The following PTPRD variants were observed in gnomAD, a reference collection of about 807,000 sequenced individuals.
PTPRD encodes receptor-type tyrosine-protein phosphatase delta.
PTPRD carries 34 observed loss-of-function variants against 214.5 expected under a neutral mutation model. The observed-to-expected ratio is 0.16, with a 90% CI of 0.12 to 0.21. The LOEUF (loss-of-function observed/expected upper bound fraction) is 0.21. Ranked by LOEUF, PTPRD falls within the 10% of genes least tolerant of loss-of-function variation. The pLI is 1.00. For synonymous variants in PTPRD, 1,128 were observed against 845.7 expected (o/e 1.33, Z -5.79); for missense variants, 2,545 against 2,398.7 (o/e 1.06, Z -1.27).
intron 27 of PTPRD, among the ~76,000 whole-genome samples, chr9:8,488,981 T>A (rs1210892141): frequency 2.6e-5 from 4 of 152,232 alleles, no homozygotes; most frequent in African/African-American, 9.6e-5. Context: ...CATAATAATA[T>A]ATACACCGTG....
chr9:8,436,328 AAAAAT>A (rs1380964303), intron 35 of PTPRD, among the ~76,000 whole-genome samples: 4 of 132,404 alleles, frequency 3.0e-5, no homozygotes, highest in Non-Finnish European at 5.1e-5. Flanking sequence ...ATTGCCAATT[AAAAAT>A]AAAATAAAAA....
chr9:10,411,141 G>A (rs542483930), intron 2 of PTPRD, among the ~76,000 whole-genome samples: 4 of 151,810 alleles, frequency 2.6e-5, no homozygotes, highest in Middle Eastern at 3.4e-3. Flanking sequence ...AGACTGCCAT[G>A]ACAAAGAATT....
rs4008208 is a variant in PTPRD at position 8,338,847 on chromosome 9, C to CAG, written c.5379+73_5379+74dup. The CAG allele has an allele frequency of 0.011, 11,567 of 1,076,792 alleles. 466 individuals carry two copies. In the African/African-American group the frequency reaches 0.14, roughly 13 times the overall value. The allele number at this position is 1,076,792 out of a possible 1,614,324, so 66.7% of individuals were successfully genotyped here. On this transcript the variant is annotated intron_variant, in intron 43 of 45. Transcript: ENST00000381196. ...ACAGTCAAGTGGCAAGTGCTTCTCC[C>CAG]AGAGAGAGAGAGAGAGAGGTATCTT...
chr9:8,356,510 G>A (rs886139493), intron 39 of PTPRD, among the ~76,000 whole-genome samples: 1 of 152,166 alleles, frequency 6.6e-6, no homozygotes, highest in African/African-American at 2.4e-5. Flanking sequence ...AAGTTTCAGT[G>A]TTCTTTCAGT....
chr9:8,746,340 G>C (rs1287869179), intron 11 of PTPRD, among the ~76,000 whole-genome samples: 1 of 152,096 alleles, frequency 6.6e-6, no homozygotes, highest in Admixed American at 6.5e-5. Flanking sequence ...AAAGTGATTT[G>C]ATAATAAAGT....
intron 3 of PTPRD, among the ~76,000 whole-genome samples, chr9:10,165,916 T>C (rs2099156208): frequency 6.6e-6 from 1 of 150,908 alleles, no homozygotes; most frequent in African/African-American, 2.4e-5. Context: ...TGTCAATATA[T>C]AGATCTATGC....
chr9:9,069,618 T>A lies in PTPRD; in HGVS notation c.-142-50883A>T, dbSNP rs191554435. On this transcript the variant is annotated intron_variant, in intron 10 of 45. Transcript: ENST00000381196. ...CCTTCAAGCCAGCAAAGTTATAAAC[T>A]CTTTTATTAAATGCCAATTATTTAG... Among the ~76,000 whole-genome samples, 3 of 152,356 alleles carry A rather than the reference T, an allele frequency of 2.0e-5. No homozygotes were observed. The East Asian group carries it at 5.8e-4, about 29-fold the overall frequency.
chr9:9,567,702 C>G (rs779428157), intron 8 of PTPRD, among the ~76,000 whole-genome samples: 6 of 151,976 alleles, frequency 3.9e-5, no homozygotes, highest in Non-Finnish European at 7.4e-5. Context: ...CTTAAGGGAA[C>G]TTGAATTTTT....
chr9:8,827,588 T>G (rs186337205), intron 11 of PTPRD, among the ~76,000 whole-genome samples: 1 of 152,136 alleles, frequency 6.6e-6, no homozygotes, highest in Non-Finnish European at 1.5e-5. Context: ...GCCTGGGCAA[T>G]AGAGTGAGAC....
chr9:10,535,522 G>T (rs1759953788), intron 2 of PTPRD, among the ~76,000 whole-genome samples: 1 of 152,026 alleles, frequency 6.6e-6, no homozygotes, highest in African/African-American at 2.4e-5. Context: ...AATGCACTTT[G>T]CTAATGGGCA....
chr9:10,385,019 C>G (rs988514647), intron 2 of PTPRD, among the ~76,000 whole-genome samples: 2 of 151,746 alleles, frequency 1.3e-5, no homozygotes, highest in Non-Finnish European at 2.9e-5. Context: ...GGTTATTTCT[C>G]CTTCCTCCAT....
chr9:8,477,470 C>G (rs1231846728), intron 30 of PTPRD, among the ~76,000 whole-genome samples: 2 of 152,150 alleles, frequency 1.3e-5, no homozygotes, highest in Non-Finnish European at 2.9e-5. Flanking sequence ...TATGAGAAGG[C>G]AAGCTCTGGT....
intron 3 of PTPRD, among the ~76,000 whole-genome samples, chr9:10,135,453 GA>G (rs767518504): frequency 2.6e-5 from 4 of 151,862 alleles, no homozygotes; most frequent in African/African-American, 9.7e-5. Flanking sequence ...CAATGTGATA[GA>G]AAAAAATATT....
At chr9:9,728,114 T>C (rs1339452950) in intron 7 of PTPRD, among the ~76,000 whole-genome samples, 1 of 152,122 alleles carries the variant, frequency 6.6e-6, no homozygotes, top group Non-Finnish European at 1.5e-5. Flanking sequence ...TCCCATTATC[T>C]CTTGCCTACC....
At chr9:10,148,506 T>G (rs145067928) in intron 3 of PTPRD, among the ~76,000 whole-genome samples, 1 of 152,170 alleles carries the variant, frequency 6.6e-6, no homozygotes. Context: ...CATCACAGTA[T>G]GCTATGTATC....
At chr9:8,591,307 G>A (rs1165937861) in intron 14 of PTPRD, among the ~76,000 whole-genome samples, 1 of 152,126 alleles carries the variant, frequency 6.6e-6, no homozygotes, top group Non-Finnish European at 1.5e-5. Context: ...GATGGTCAGG[G>A]CCATTATTTG....
chr9:8,935,316 A>G (rs1311356968), intron 11 of PTPRD, among the ~76,000 whole-genome samples: 1 of 152,210 alleles, frequency 6.6e-6, no homozygotes, highest in South Asian at 2.1e-4. Flanking sequence ...GCAATTATTT[A>G]AAAAAGAAAT....
At chr9:9,532,147 A>G (rs2075618460) in intron 8 of PTPRD, among the ~76,000 whole-genome samples, 1 of 152,126 alleles carries the variant, frequency 6.6e-6, no homozygotes, top group South Asian at 2.1e-4. Flanking sequence ...CATATGCAGG[A>G]GAGCTAGGAA....
At chr9:8,387,437 G>A (rs2087540314) in intron 37 of PTPRD, among the ~76,000 whole-genome samples, 1 of 152,162 alleles carries the variant, frequency 6.6e-6, no homozygotes, top group South Asian at 2.1e-4. Context: ...AAGTTTCTGT[G>A]CACAGTTTAA....
Sources: allele counts gnomAD v4.1 joint callset (sites outside exome capture counted in the v4.1 genomes callset), GRCh38; gene constraint gnomAD v4.1.1; transcripts MANE v1.5; gene names NCBI Gene and HGNC (gene_info 2026-07-23, HGNC 2026-07-21).